PTH2R: variants seen among roughly 807,000 people sequenced by gnomAD.
PTH2R encodes the protein PTH2 receptor.
A neutral mutation model predicts 60.3 loss-of-function variants in PTH2R; 59 were observed. That is an observed-to-expected ratio of 0.98 (90% CI 0.79 to 1.22). The LOEUF is 1.22. PTH2R is among the 50% of genes most tolerant of loss of function. The probability of loss-of-function intolerance (pLI) is 0.00; values close to 1 mark genes in which losing one functional copy is unlikely to be tolerated. For missense variants in PTH2R, 749 were observed against 682.6 expected (o/e 1.10, Z -1.08); for synonymous variants, 256 against 243.8 (o/e 1.05, Z -0.47).
At chr2:208,467,047 C>T (rs1230992562) in intron 9 of PTH2R, among the ~76,000 whole-genome samples, 1 of 151,942 alleles carries the variant, frequency 6.6e-6, no homozygotes, top group African/African-American at 2.4e-5. Context: ...ACATTTCAGC[C>T]AAATTCTTCT....
chr2:208,493,529 C>G lies in PTH2R; in HGVS notation c.1523C>G (p.Ser508Cys), dbSNP rs1703460008. ...SNSEQDCLPH[S>C]FHEETKEDSG... is the part of the protein sequence containing the mutation. Reference sequence around the variant, plus strand: ...TCAGAGCAGGACTGCCTGCCACACTCTTTCCACGAGGAGACCAAGGAAGAT... The same window carrying G: ...TCAGAGCAGGACTGCCTGCCACACTGTTTCCACGAGGAGACCAAGGAAGAT... Residue 508 changes from serine to cysteine, a missense_variant, in exon 13 of 13, where the codon TCT (serine) becomes TGT (cysteine). Transcript: ENST00000272847. 6.2e-7 allele frequency: 1 copy of G among 1,613,994 alleles called. No individual in the cohort carries two copies. Among genetic ancestry groups the G allele is most frequent in the Non-Finnish European group, 8.5e-7 (1 of 1,179,924 alleles).
chr2:208,429,300 T>C (rs1701922639), intron 2 of PTH2R, among the ~76,000 whole-genome samples: 1 of 152,098 alleles, frequency 6.6e-6, no homozygotes, highest in Non-Finnish European at 1.5e-5. Context: ...TTCTGAGATA[T>C]ATATATCTTA....
intron 1 of PTH2R, among the ~76,000 whole-genome samples, chr2:208,423,789 A>G (rs1701802562): frequency 6.6e-6 from 1 of 151,916 alleles, no homozygotes. Flanking sequence ...ATGCATACGC[A>G]TTTTTGAGGG....
In PTH2R at chr2:208,489,005, C is replaced by G; in HGVS notation, c.1077-7C>G. ...AATGAATGAAAAGACTTGCTGTTCT[C>G]CTTTAGGAAACTGGCCAAATCGACA... On this transcript the variant is annotated splice_polypyrimidine_tract_variant and splice_region_variant and intron_variant, in intron 10 of 12. Coordinates refer to ENST00000272847, the MANE Select transcript of PTH2R (RefSeq NM_005048.4). 1 of 1,613,894 alleles carries G rather than the reference C, an allele frequency of 6.2e-7. No individual in the cohort carries two copies. The highest frequency in any genetic ancestry group is 8.5e-7 in the Non-Finnish European group (1 of 1,179,914).
chr2:208,421,427 G>A (rs1023206501), intron 1 of PTH2R, among the ~76,000 whole-genome samples: 4 of 151,486 alleles, frequency 2.6e-5, no homozygotes, highest in East Asian at 1.9e-4. Flanking sequence ...GTGTGTGTTT[G>A]TATATATATT....
In PTH2R at chr2:208,437,560, G is replaced by A; in HGVS notation, c.202G>A (p.Asp68Asn). The change falls in exon 3 of 13, where the codon GAT becomes AAT. Residue 68 changes from aspartate (D) to asparagine (N), a missense_variant. By Grantham distance (23) the Asp-to-Asn change is conservative (BLOSUM62 1). Transcript: ENST00000272847. ...AGAAGGTAATTGTTTCCCTGAATGG[G>A]ATGGACTCATTTGTTGGCCCAGAGG... ...EGEGNCFPEW[D>N]GLICWPRGTV... 6.2e-7 allele frequency: 1 copy of A among 1,612,342 alleles called. No homozygotes were observed. The highest frequency in any genetic ancestry group is 8.5e-7 in the Non-Finnish European group (1 of 1,179,222).
chr2:208,425,814 A>T (rs1439970937), intron 1 of PTH2R, among the ~76,000 whole-genome samples: 1 of 152,204 alleles, frequency 6.6e-6, no homozygotes, highest in Non-Finnish European at 1.5e-5. Flanking sequence ...GATATTCCAG[A>T]GTTTCCAGCT....
At chr2:208,391,233 T>C (rs1484884667) in intron 1 of PTH2R, among the ~76,000 whole-genome samples, 1 of 152,218 alleles carries the variant, frequency 6.6e-6, no homozygotes, top group Non-Finnish European at 1.5e-5. Flanking sequence ...TAGACGTTTC[T>C]CGATTTAATA....
rs372499213 is a variant in PTH2R at position 208,440,765 on chromosome 2, A to G, written c.412-1599A>G. 8.5e-5 allele frequency among the ~76,000 whole-genome samples: 13 copies of G among 152,352 alleles called. No individual in the cohort carries two copies. In the South Asian group the frequency reaches 2.7e-3, roughly 32 times the overall value. On this transcript the variant is annotated intron_variant, in intron 4 of 12. Coordinates refer to ENST00000272847, the MANE Select transcript of PTH2R (RefSeq NM_005048.4). ...GTTAGAATCCCAAGGAGTAAGCCCT[A>G]GTCTTAGTAAGCTATAATCCACCAG...
chr2:208,447,933 G>T (rs1188258315), intron 7 of PTH2R, among the ~76,000 whole-genome samples: 4 of 151,874 alleles, frequency 2.6e-5, no homozygotes, highest in African/African-American at 4.8e-5. Flanking sequence ...TATGTAAAAG[G>T]TATCTCTTTT....
chr2:208,363,690 A>G (rs2125864955), intron 1 of PTH2R, among the ~76,000 whole-genome samples: 1 of 151,762 alleles, frequency 6.6e-6, no homozygotes, highest in African/African-American at 2.4e-5. Flanking sequence ...TTATTTTTTG[A>G]CTTTTTAATG....
chr2:208,377,155 C>T (rs1377870295), intron 1 of PTH2R, among the ~76,000 whole-genome samples: 1 of 152,034 alleles, frequency 6.6e-6, no homozygotes, highest in Non-Finnish European at 1.5e-5. Flanking sequence ...CCTGAGTGGA[C>T]ACAGCACATG....
chr2:208,376,220 T>A (rs1239147670), intron 1 of PTH2R, among the ~76,000 whole-genome samples: 3 of 152,180 alleles, frequency 2.0e-5, no homozygotes, highest in Non-Finnish European at 4.4e-5. Context: ...GATAATATAG[T>A]GTTAAACTGT....
At chr2:208,452,943 G>A (rs950597001) in intron 8 of PTH2R, among the ~76,000 whole-genome samples, 22 of 152,152 alleles carry the variant, frequency 1.4e-4, no homozygotes, top group African/African-American at 5.3e-4. Flanking sequence ...TGTTTCTATT[G>A]AGATAAGTGG....
In PTH2R at chr2:208,481,177, G is replaced by A; in HGVS notation, c.1076+13G>A. On this transcript the variant is annotated intron_variant, in intron 10 of 12. Coordinates refer to ENST00000272847, the MANE Select transcript of PTH2R (RefSeq NM_005048.4). ...GGAAGCAATACAGGTAATTTCAGGAGAGGCATCCATCAGAGGAAATATTTT... is the reference window on the plus strand; with the variant it reads ...GGAAGCAATACAGGTAATTTCAGGAAAGGCATCCATCAGAGGAAATATTTT... 1 of 1,545,502 alleles carries A rather than the reference G, an allele frequency of 6.5e-7. No individual in the cohort carries two copies.
intron 1 of PTH2R, among the ~76,000 whole-genome samples, chr2:208,397,361 C>T (rs962516806): frequency 6.6e-6 from 1 of 151,796 alleles, no homozygotes; most frequent in African/African-American, 2.4e-5. Flanking sequence ...TTTAAGCTTA[C>T]TCCCATACTT....
At chr2:208,454,040 G>A (rs1464249393) in intron 8 of PTH2R, among the ~76,000 whole-genome samples, 2 of 152,170 alleles carry the variant, frequency 1.3e-5, no homozygotes, top group African/African-American at 4.8e-5. Context: ...AAGTGCCTCC[G>A]GGGCTGACTG....
chr2:208,487,797 T>A (rs543697927), intron 10 of PTH2R, among the ~76,000 whole-genome samples: 34 of 152,332 alleles, frequency 2.2e-4, no homozygotes, highest in African/African-American at 8.2e-4. Flanking sequence ...ACTTGCTGGC[T>A]GTTGTCCAGA....
chr2:208,454,854 A>G (rs925095000), intron 8 of PTH2R, among the ~76,000 whole-genome samples: 1 of 152,116 alleles, frequency 6.6e-6, no homozygotes, highest in African/African-American at 2.4e-5. Context: ...GTTACTAGAT[A>G]TTTCCTTCAG....
Sources: gnomAD v4.1 joint callset for allele counts (sites outside exome capture counted in the v4.1 genomes callset) on GRCh38, gnomAD v4.1.1 for gene constraint, MANE v1.5 for transcripts, NCBI Gene and HGNC (gene_info 2026-07-23, HGNC 2026-07-21) for gene names.